Variants in KCNAB1 observed in about 807,000 individuals in gnomAD.
KCNAB1 encodes voltage-gated potassium channel subunit beta-1.
In KCNAB1, 35 loss-of-function variants were observed where a neutral mutation model predicts 64.6. The ratio of observed to expected loss-of-function variants is 0.54; its 90% CI spans 0.41 to 0.72. The LOEUF is 0.72. KCNAB1 is among the 30% of genes least tolerant of loss of function. The pLI, the probability that KCNAB1 is intolerant of heterozygous loss-of-function variation, is 0.00. For synonymous variants in KCNAB1, 177 were observed against 183.8 expected, an observed-to-expected ratio of 0.96 and a Z score of 0.30; for missense variants, 401 against 512.9, an observed-to-expected ratio of 0.78 and a Z score of 2.11.
At chr3:156,227,789 A>G (rs1014385851) in intron 1 of KCNAB1, 4 of 152,366 alleles carry the variant, frequency 2.6e-5, no homozygotes, top group Admixed American at 1.3e-4. Flanking sequence ...TTAGGGCACC[A>G]TCCCGGTTCA....
rs1258128811 is a variant in KCNAB1, at chr3:156,514,989, T to G, written c.745-111T>G. Reference sequence around the variant, plus strand: ...GCTTATTATTTGGCATCCTACATGTTTCTTGGTTTGTACTGATTTCACCAA... The same window carrying G: ...GCTTATTATTTGGCATCCTACATGTGTCTTGGTTTGTACTGATTTCACCAA... On this transcript the variant is annotated intron_variant, in intron 9 of 13. Coordinates refer to ENST00000490337, the MANE Select transcript of KCNAB1 (RefSeq NM_172160.3). 1.1e-5 allele frequency: 12 copies of G among 1,095,466 alleles called. No individual in the cohort carries two copies. In the East Asian group the frequency reaches 3.2e-4, roughly 30 times the overall value. The allele number at this position is 1,095,466 out of a possible 1,614,324, so 67.9% of individuals were successfully genotyped here. A position where few individuals can be genotyped will look rare whatever the true frequency, so the allele number is the denominator to read the frequency against.
intron 5 of KCNAB1, among the ~76,000 whole-genome samples, chr3:156,461,996 A>T (rs1712949565): frequency 6.6e-6 from 1 of 152,232 alleles, no homozygotes; most frequent in South Asian, 2.1e-4. Context: ...ATCCAGGACA[A>T]GTTATTACAC....
At chr3:156,172,979 A>G (rs967430472) in intron 1 of KCNAB1, among the ~76,000 whole-genome samples, 6 of 152,226 alleles carry the variant, frequency 3.9e-5, no homozygotes, top group African/African-American at 1.2e-4. Flanking sequence ...TAGTGTGGGT[A>G]TTACATTCAC....
At chr3:156,247,896 A>G (rs1450307651) in intron 1 of KCNAB1, among the ~76,000 whole-genome samples, 3 of 152,042 alleles carry the variant, frequency 2.0e-5, no homozygotes, top group Non-Finnish European at 2.9e-5. Flanking sequence ...GTCACCAGCA[A>G]CTGTGTTTCT....
chr3:156,234,972 A>T (rs74356176), intron 1 of KCNAB1, among the ~76,000 whole-genome samples: 24 of 152,264 alleles, frequency 1.6e-4, no homozygotes, highest in African/African-American at 5.1e-4. Flanking sequence ...AAATTTCTTC[A>T]TGTGAATACT....
At chr3:156,474,707 G>T in intron 7 of KCNAB1, 27 bp from the exon 8 acceptor site, 1 of 1,554,704 alleles carries the variant, frequency 6.4e-7, no homozygotes, top group South Asian at 1.1e-5. Context: ...TTAGATTTTG[G>T]GGTTTGTTTC....
At chr3:156,394,565 A>T (rs541445526) in intron 1 of KCNAB1, among the ~76,000 whole-genome samples, 1 of 151,162 alleles carries the variant, frequency 6.6e-6, no homozygotes, top group South Asian at 2.1e-4. Context: ...AATTGAACAT[A>T]GTGAAGACAA....
intron 1 of KCNAB1, among the ~76,000 whole-genome samples, chr3:156,361,639 T>A (rs796545428): frequency 6.6e-6 from 1 of 152,126 alleles, no homozygotes; most frequent in South Asian, 2.1e-4. Flanking sequence ...TTTTTAGAAT[T>A]TTTTATTTTA....
intron 1 of KCNAB1, among the ~76,000 whole-genome samples, chr3:156,359,253 T>C (rs1725451925): frequency 6.6e-6 from 1 of 152,244 alleles, no homozygotes; most frequent in South Asian, 2.1e-4. Context: ...CTTTTCTCTA[T>C]TAGCTTATGC....
intron 1 of KCNAB1, among the ~76,000 whole-genome samples, chr3:156,163,984 C>T (rs878985272): frequency 6.6e-6 from 1 of 152,150 alleles, no homozygotes; most frequent in Admixed American, 6.5e-5. Flanking sequence ...CTGGTGCATA[C>T]TAATGTGCAA....
rs74979828 is a variant in KCNAB1 at position 156,350,077 on chromosome 3, T to C, written c.276-71539T>C. ...GTTCTATTTTACATATACCAACATT[T>C]GTATGCATGACTTGTTATTTTTATG... On this transcript the variant is annotated intron_variant, in intron 1 of 13. Coordinates refer to ENST00000490337, the MANE Select transcript of KCNAB1 (RefSeq NM_172160.3). Among the ~76,000 whole-genome samples the C allele has an allele frequency of 4.0e-3, 607 of 152,328 alleles. 18 individuals are homozygous for C. In the East Asian group the frequency reaches 0.055, roughly 14 times the overall value.
chr3:156,344,547 A>G (rs893778157), intron 1 of KCNAB1, among the ~76,000 whole-genome samples: 5 of 152,224 alleles, frequency 3.3e-5, no homozygotes, highest in African/African-American at 1.2e-4. Context: ...TAAAAGCCAG[A>G]GCAGTGAATC....
chr3:156,204,468 A>G (rs1714531046), intron 1 of KCNAB1, among the ~76,000 whole-genome samples: 1 of 152,226 alleles, frequency 6.6e-6, no homozygotes. Context: ...TTACCAGCAT[A>G]TAGAAGAGAC....
intron 1 of KCNAB1, among the ~76,000 whole-genome samples, chr3:156,252,307 C>G (rs976563634): frequency 6.6e-5 from 10 of 152,226 alleles, no homozygotes; most frequent in African/African-American, 2.2e-4. Flanking sequence ...GGTGGCTTTT[C>G]TTTTATCTCT....
intron 1 of KCNAB1, among the ~76,000 whole-genome samples, chr3:156,250,573 C>A (rs1412356429): frequency 6.6e-6 from 1 of 152,060 alleles, no homozygotes; most frequent in East Asian, 1.9e-4. Flanking sequence ...CGGCTTCTTA[C>A]CATCAGTGAG....
At chr3:156,455,328 C>T (rs1712320426) in intron 3 of KCNAB1, among the ~76,000 whole-genome samples, 1 of 152,250 alleles carries the variant, frequency 6.6e-6, no homozygotes, top group Non-Finnish European at 1.5e-5. Flanking sequence ...ACTGTCAACA[C>T]TTTCTCAGGA....
intron 1 of KCNAB1, among the ~76,000 whole-genome samples, chr3:156,220,751 TTG>T (rs1366269865): frequency 6.6e-6 from 1 of 152,244 alleles, no homozygotes; most frequent in Non-Finnish European, 1.5e-5. Context: ...TTGGCTTTTA[TTG>T]CCATTGCTTT....
At chr3:156,427,164 T>G (rs1715877384) in intron 2 of KCNAB1, among the ~76,000 whole-genome samples, 1 of 152,104 alleles carries the variant, frequency 6.6e-6, no homozygotes, top group Non-Finnish European at 1.5e-5. Context: ...TGGGGGTGGA[T>G]GAGCTGAAAT....
chr3:156,158,506 A>G (rs1715889659), intron 1 of KCNAB1, among the ~76,000 whole-genome samples: 1 of 152,214 alleles, frequency 6.6e-6, no homozygotes, highest in African/African-American at 2.4e-5. Flanking sequence ...TGGATCATAT[A>G]GACTATTTTT....
Sources: gnomAD v4.1 joint callset for allele counts (sites outside exome capture counted in the v4.1 genomes callset) on GRCh38, gnomAD v4.1.1 for gene constraint, MANE v1.5 for transcripts, NCBI Gene and HGNC (gene_info 2026-07-23, HGNC 2026-07-21) for gene names.